Variants in NAA40 observed in about 807,000 individuals in gnomAD.
NAA40 encodes N-alpha-acetyltransferase 40.
NAA40 carries 26 observed loss-of-function variants against 36.6 expected under a neutral mutation model. The ratio of observed to expected loss-of-function variants is 0.71; its 90% CI spans 0.52 to 0.98. The LOEUF (loss-of-function observed/expected upper bound fraction) is 0.98, where lower values mean the gene tolerates loss of function less well. NAA40 is among the 50% of genes least tolerant of loss of function. NAA40 has a pLI of 0.00. For missense variants in NAA40, 237 were observed against 306.5 expected, an observed-to-expected ratio of 0.77 and a Z score of 1.69; for synonymous variants, 129 against 108.4, an observed-to-expected ratio of 1.19 and a Z score of -1.18.
intron 3 of NAA40, 60 bp from the exon 4 acceptor site, chr11:63,952,178 C>G: frequency 7.6e-7 from 1 of 1,319,886 alleles, no homozygotes; most frequent in Non-Finnish European, 1.1e-6. Context: ...GAGGGAGGAA[C>G]AGCAGTGCCC....
At position 63,951,855 on chromosome 11, in the gene NAA40, G is replaced by A. The variant is rs560635508; in HGVS notation, c.156-383G>A. ...CAGAAATTACAGCAACAGGAAAAAT[G>A]CCTAAGGGCAGGAACTAAATAACAG... On this transcript the variant is annotated intron_variant, in intron 3 of 7. Coordinates refer to ENST00000377793, the MANE Select transcript of NAA40 (RefSeq NM_024771.4). 2.0e-5 allele frequency among the ~76,000 whole-genome samples: 3 copies of A among 152,342 alleles called. No homozygotes were observed. The South Asian group carries it at 6.2e-4, about 32-fold the overall frequency.
chr11:63,951,780 T>G (rs752857692), intron 3 of NAA40, among the ~76,000 whole-genome samples: 11 of 152,008 alleles, frequency 7.2e-5, no homozygotes, highest in Non-Finnish European at 2.9e-5. Context: ...AAGGCGCAAT[T>G]GGTAGATAAG....
chr11:63,941,257 G>A (rs1177768267), intron 1 of NAA40, among the ~76,000 whole-genome samples: 1 of 152,180 alleles, frequency 6.6e-6, no homozygotes, highest in Non-Finnish European at 1.5e-5. Context: ...CACAACTGTG[G>A]GTGCTGGGGA....
intron 1 of NAA40, chr11:63,939,548 G>T (rs959027611): frequency 3.1e-6 from 3 of 967,934 alleles, no homozygotes; most frequent in East Asian, 2.2e-4. Context: ...ATATTGTCGG[G>T]GGCGTCAGAC....
chr11:63,940,750 A>G (rs1224836902), intron 1 of NAA40, among the ~76,000 whole-genome samples: 1 of 152,036 alleles, frequency 6.6e-6, no homozygotes, highest in Non-Finnish European at 1.5e-5. Flanking sequence ...AACTTATTAG[A>G]CAAAAATAGT....
intron 1 of NAA40, among the ~76,000 whole-genome samples, chr11:63,939,762 G>T (rs1942076594): frequency 6.6e-6 from 1 of 152,160 alleles, no homozygotes; most frequent in Admixed American, 6.5e-5. Context: ...TGGGTTGTTA[G>T]GGGTTTTGGT....
chr11:63,946,953 TG>T lies in NAA40; in HGVS notation c.107del (p.Gly36GlufsTer18). 1 of 1,614,168 alleles carries T rather than the reference TG, an allele frequency of 6.2e-7. No individual in the cohort carries two copies. Among genetic ancestry groups the T allele is most frequent in the Non-Finnish European group, 8.5e-7 (1 of 1,179,998 alleles). The stretch of plus-strand genomic sequence containing the variant: ...TCCTCTTTTCTTTCCCTCCACAGCT[TG>T]GAGACCCTCTGGAGGCTTTCCCAGT... ...CAKVDAANRL[G>X]DPLEAFPVFK... On this transcript the variant is annotated frameshift_variant, in exon 3 of 8. Transcript: ENST00000377793. LOFTEE classifies it high-confidence loss of function.
At chr11:63,945,561 G>A (rs940863458) in intron 1 of NAA40, among the ~76,000 whole-genome samples, 7 of 152,164 alleles carry the variant, frequency 4.6e-5, no homozygotes, top group South Asian at 2.1e-4. Context: ...TGCTGTAGGC[G>A]TTGTCAGCTG....
chr11:63,955,837 G>A lies in NAA40; in HGVS notation c.*1358G>A, dbSNP rs1024168898. 2.6e-5 allele frequency: 4 copies of A among 152,298 alleles called. No individual in the cohort carries two copies. The highest frequency in any genetic ancestry group is 5.9e-5 in the Non-Finnish European group (4 of 68,094). The allele number at this position is 152,298 out of a possible 1,614,324, so 9.4% of individuals were successfully genotyped here. A position where few individuals can be genotyped will look rare whatever the true frequency, so the allele number is the denominator to read the frequency against. On this transcript the variant is annotated 3_prime_UTR_variant, in exon 8 of 8. Transcript: ENST00000377793. ...AAGCCAAATCCTTATCAAGGAAAAA[G>A]CACCTAACAGCTCCCTTTGGATATC...
In NAA40 at chr11:63,946,571, A is replaced by G. The variant is rs558215575; in HGVS notation, c.103-380A>G. 1.3e-5 allele frequency: 16 copies of G among 1,210,682 alleles called. No homozygotes were observed. The South Asian group carries it at 2.2e-4, about 17-fold the overall frequency. 75.0% of individuals were successfully genotyped at this position (1,210,682 alleles called of 1,614,324 possible). On this transcript the variant is annotated intron_variant, in intron 2 of 7. Transcript: ENST00000377793. Reference sequence around the variant, plus strand: ...ACCCACTCATAGTAAACACTCATTTATAAGGATGTGGCTCAGGGGCTTGAT... The same window carrying G: ...ACCCACTCATAGTAAACACTCATTTGTAAGGATGTGGCTCAGGGGCTTGAT...
At chr11:63,951,626 G>A (rs1181001856) in intron 3 of NAA40, among the ~76,000 whole-genome samples, 1 of 152,206 alleles carries the variant, frequency 6.6e-6, no homozygotes, top group South Asian at 2.1e-4. Flanking sequence ...GATTACAGGT[G>A]TGAGCCACCA....
At chr11:63,952,687 C>T (rs1230336317) in intron 5 of NAA40, 69 bp from the exon 6 acceptor site, 2 of 1,603,566 alleles carry the variant, frequency 1.2e-6, no homozygotes, top group Non-Finnish European at 1.7e-6. Context: ...ACTGCAAGCT[C>T]CTCTGCCAGA....
At chr11:63,946,547 C>T in intron 2 of NAA40, 1 of 1,166,076 alleles carries the variant, frequency 8.6e-7, no homozygotes, top group Non-Finnish European at 1.1e-6. Context: ...ATTCTTTTAA[C>T]CCACTCATAG....
intron 1 of NAA40, among the ~76,000 whole-genome samples, chr11:63,939,885 C>G (rs567958366): frequency 6.6e-6 from 1 of 152,108 alleles, no homozygotes; most frequent in Non-Finnish European, 1.5e-5. Context: ...TCCGTGCCGG[C>G]AGCCTGGAGG....
At position 63,955,572 on chromosome 11, in the gene NAA40, C is replaced by CCAA. The variant is rs1251705008; in HGVS notation, c.*1094_*1095insAAC. 1 of 152,644 alleles carries CCAA rather than the reference C, an allele frequency of 6.6e-6. No individual in the cohort carries two copies. The highest frequency in any genetic ancestry group is 1.5e-5 in the Non-Finnish European group (1 of 68,062). The allele number at this position is 152,644 out of a possible 1,614,324, so 9.5% of individuals were successfully genotyped here. A position where few individuals can be genotyped will look rare whatever the true frequency, so the allele number is the denominator to read the frequency against. On this transcript the variant is annotated 3_prime_UTR_variant, in exon 8 of 8. Transcript: ENST00000377793. ...CTCTGCCTGCACTCCTCAGGCTTGC[C>CCAA]CCTCGCTGCCTCAGTGAGGCACTAG...
intron 1 of NAA40, among the ~76,000 whole-genome samples, chr11:63,939,997 AC>A (rs1942081627): frequency 2.1e-5 from 3 of 145,966 alleles, no homozygotes; most frequent in African/African-American, 7.7e-5. Flanking sequence ...AGTATCAGTC[AC>A]CCTCCTAAAA....
chr11:63,943,383 AGTTGCCGAGTG>A (rs1390861595), intron 1 of NAA40, among the ~76,000 whole-genome samples: 1 of 152,150 alleles, frequency 6.6e-6, no homozygotes, highest in Non-Finnish European at 1.5e-5. Flanking sequence ...ATGAGAAAGG[AGTTGCCGAGTG>A]GTTGCTGAGG....
At chr11:63,939,526 C>T in intron 1 of NAA40, 2 of 995,796 alleles carry the variant, frequency 2.0e-6, no homozygotes, top group Non-Finnish European at 2.4e-6. Flanking sequence ...AAGAAGGCGC[C>T]TAGCCAAGGT....
chr11:63,946,624 A>C, intron 2 of NAA40: 1 of 1,315,506 alleles, frequency 7.6e-7, no homozygotes, highest in Non-Finnish European at 9.8e-7. Flanking sequence ...AACCAGGTAA[A>C]GTCAGTGTGC....
Sources: allele counts gnomAD v4.1 joint callset (sites outside exome capture counted in the v4.1 genomes callset), GRCh38; gene constraint gnomAD v4.1.1; transcripts MANE v1.5; gene names NCBI Gene and HGNC (gene_info 2026-07-23, HGNC 2026-07-21).